Variants in PDE1C observed in about 807,000 individuals in gnomAD.
PDE1C encodes dual specificity calcium/calmodulin-dependent 3',5'-cyclic nucleotide phosphodiesterase 1C.
Under a neutral mutation model 93.1 loss-of-function variants are expected in PDE1C, and 62 were observed. The observed-to-expected ratio is 0.67, with a 90% confidence interval of 0.54 to 0.82. The LOEUF is 0.82. Among genes scored for constraint, PDE1C ranks in the 40% least tolerant of loss-of-function variants. PDE1C has a pLI of 0.00. For missense variants in PDE1C, 742 were observed against 884.6 expected, an observed-to-expected ratio of 0.84 and a Z score of 2.04; for synonymous variants, 325 against 310.1, an observed-to-expected ratio of 1.05 and a Z score of -0.50.
At chr7:31,714,584 A>T in the PDE1C span, among the ~76,000 whole-genome samples, 2 of 152,244 alleles carry the variant, frequency 1.3e-5, no homozygotes, top group African/African-American at 4.8e-5. Context: ...TGATAAAGAC[A>T]TACCCAAGAC....
chr7:32,185,874 C>G (rs1803814055), intron 2 of PDE1C, among the ~76,000 whole-genome samples: 1 of 152,188 alleles, frequency 6.6e-6, no homozygotes, highest in Non-Finnish European at 1.5e-5. Flanking sequence ...TTGCATAGCA[C>G]CAACAGAATT....
intron 17 of PDE1C, among the ~76,000 whole-genome samples, chr7:31,766,782 A>C (rs1191069945): frequency 6.6e-6 from 1 of 152,268 alleles, no homozygotes; most frequent in East Asian, 1.9e-4. Context: ...TTGTAATAGC[A>C]AAAAGTGGAA....
At chr7:32,408,232 A>C (rs1481135575) in intron 1 of PDE1C, among the ~76,000 whole-genome samples, 3 of 152,220 alleles carry the variant, frequency 2.0e-5, no homozygotes, top group Non-Finnish European at 4.4e-5. Context: ...TACCTGCTCC[A>C]TCCCTAAAGC....
chr7:31,988,659 T>TTCAG (rs1783726820), intron 2 of PDE1C, among the ~76,000 whole-genome samples: 1 of 152,100 alleles, frequency 6.6e-6, no homozygotes, highest in South Asian at 2.1e-4. Context: ...GGAGTTCCAG[T>TTCAG]TCAGCCTGGG....
At chr7:31,932,520 A>G (rs1804459220) in intron 2 of PDE1C, among the ~76,000 whole-genome samples, 1 of 152,232 alleles carries the variant, frequency 6.6e-6, no homozygotes. Flanking sequence ...ATGAGATACC[A>G]TCTCATACCA....
chr7:32,337,243 T>C (rs1179899846), intron 1 of PDE1C, among the ~76,000 whole-genome samples: 2 of 152,160 alleles, frequency 1.3e-5, no homozygotes, highest in African/African-American at 4.8e-5. Flanking sequence ...CTAGGGACCA[T>C]AGACACTATG....
Position 31,944,653 on chromosome 7 carries a change from C to T in PDE1C, c.129-63793G>A, listed in dbSNP as rs560270960. 2.6e-5 allele frequency among the ~76,000 whole-genome samples: 4 copies of T among 152,308 alleles called. No individual in the cohort carries two copies. In the East Asian group the frequency reaches 7.7e-4, roughly 29 times the overall value. ...AGAATTTTAAAACACCATATATCCC[C>T]TTAAATTTATGAAGTTGAAATCTAT... On this transcript the variant is annotated intron_variant, in intron 2 of 17. Coordinates refer to ENST00000396191, the MANE Select transcript of PDE1C (RefSeq NM_001191057.4).
chr7:31,979,333 A>C (rs1351940337), intron 2 of PDE1C, among the ~76,000 whole-genome samples: 1 of 152,198 alleles, frequency 6.6e-6, no homozygotes, highest in Non-Finnish European at 1.5e-5. Context: ...TTCTATCTCT[A>C]AAATGGAATA....
At chr7:31,850,080 G>C (rs1187224876) in intron 8 of PDE1C, among the ~76,000 whole-genome samples, 1 of 152,080 alleles carries the variant, frequency 6.6e-6, no homozygotes, top group Admixed American at 6.6e-5. Context: ...CCATTAGGAA[G>C]GATGCACAGG....
intron 1 of PDE1C, among the ~76,000 whole-genome samples, chr7:32,053,414 C>T (rs553082789): frequency 1.9e-4 from 29 of 152,336 alleles, no homozygotes; most frequent in African/African-American, 6.3e-4. Context: ...AGAGGCTTCA[C>T]CTTCAGCCAT....
chr7:32,097,780 A>G (rs1797828264), intron 3 of PDE1C, among the ~76,000 whole-genome samples: 1 of 152,228 alleles, frequency 6.6e-6, no homozygotes, highest in South Asian at 2.1e-4. Context: ...GTAAACAGAA[A>G]AGCGTAGTTG....
the PDE1C span, among the ~76,000 whole-genome samples, chr7:31,665,569 C>G: frequency 2.0e-5 from 3 of 152,150 alleles, no homozygotes; most frequent in Non-Finnish European, 4.4e-5. Context: ...TATGCACAAA[C>G]AAGGCAGTTT....
intron 3 of PDE1C, among the ~76,000 whole-genome samples, chr7:32,126,230 T>TAGAC (rs1410709397): frequency 1.3e-5 from 2 of 151,692 alleles, no homozygotes; most frequent in Admixed American, 6.6e-5. Flanking sequence ...GATAGATAGA[T>TAGAC]AGATAGATAG....
At chr7:32,312,080 C>T (rs1174024386) in intron 1 of PDE1C, among the ~76,000 whole-genome samples, 1 of 150,682 alleles carries the variant, frequency 6.6e-6, no homozygotes, top group African/African-American at 2.4e-5. Context: ...AATCAATGTA[C>T]AAAAATCACA....
chr7:32,362,686 T>C (rs992462540), intron 1 of PDE1C, among the ~76,000 whole-genome samples: 9 of 152,060 alleles, frequency 5.9e-5, no homozygotes, highest in Non-Finnish European at 2.9e-5. Flanking sequence ...GTACACACCC[T>C]CCTCTCCTGC....
intron 17 of PDE1C, among the ~76,000 whole-genome samples, chr7:31,754,969 T>C (rs1157349865): frequency 1.3e-5 from 2 of 152,212 alleles, no homozygotes; most frequent in Non-Finnish European, 2.9e-5. Context: ...GCATTGCCAA[T>C]GTAGGAAACA....
At chr7:31,708,226 T>C in the PDE1C span, 1 of 152,212 alleles carries the variant, frequency 6.6e-6, no homozygotes, top group Non-Finnish European at 1.5e-5. Flanking sequence ...AATCTGTGGA[T>C]GCCCAGGGGA....
At chr7:32,314,995 C>A (rs2128905580) in intron 1 of PDE1C, among the ~76,000 whole-genome samples, 1 of 149,450 alleles carries the variant, frequency 6.7e-6, no homozygotes, top group South Asian at 2.2e-4. Context: ...CATACACAGA[C>A]ATTCACACAC....
In PDE1C at chr7:32,106,220, C is replaced by T. The variant is rs1271876341; in HGVS notation, c.308+63565G>A. On this transcript the variant is annotated intron_variant, in intron 3 of 18. Coordinates refer to the PDE1C transcript ENST00000396193. The stretch of plus-strand genomic sequence containing the variant: ...TTTTTGCAGAGATTGGGCCTTGCTA[C>T]ATTGCCCAGGCTGGTTTCATGACCC... Among the ~76,000 whole-genome samples the T allele has an allele frequency of 3.9e-5, 6 of 152,040 alleles. No homozygotes were observed. The East Asian group carries it at 7.8e-4, about 20-fold the overall frequency.
Sources: gnomAD v4.1 joint callset for allele counts (sites outside exome capture counted in the v4.1 genomes callset) on GRCh38, gnomAD v4.1.1 for gene constraint, MANE v1.5 for transcripts, NCBI Gene and HGNC (gene_info 2026-07-23, HGNC 2026-07-21) for gene names.